PTPRG: variants seen among roughly 807,000 people sequenced by gnomAD.
The protein encoded by PTPRG is receptor-type tyrosine-protein phosphatase gamma.
A neutral mutation model predicts 165.3 loss-of-function variants in PTPRG; 102 were observed. The observed-to-expected ratio is 0.62, with a 90% CI of 0.53 to 0.73. The LOEUF is 0.73. Ranked by LOEUF, PTPRG falls within the 30% of genes least tolerant of loss-of-function variation. PTPRG has a pLI of 0.00. For synonymous variants in PTPRG, 675 were observed against 669.5 expected (o/e 1.01, Z -0.13); for missense variants, 1,866 against 1,861.4 (o/e 1.00, Z -0.05).
At position 61,601,695 on chromosome 3, in the gene PTPRG, A is replaced by T. The variant is rs75336801; in HGVS notation, c.85+39323A>T. Among the ~76,000 whole-genome samples, 1,379 of 152,308 alleles carry T rather than the reference A, an allele frequency of 9.1e-3. 18 individuals carry two copies. Among genetic ancestry groups the T allele is most frequent in the African/African-American group, 0.031 (1,304 of 41,558 alleles). ...TGGAAAAGTGACAAAACCAACAAAT[A>T]ATATCAGCCTTTATGGAGCTTGTAT... is the stretch of plus-strand genomic sequence containing the variant. On this transcript the variant is annotated intron_variant, in intron 1 of 29. Coordinates refer to ENST00000474889, the MANE Select transcript of PTPRG (RefSeq NM_002841.4).
intron 1 of PTPRG, among the ~76,000 whole-genome samples, chr3:61,738,297 T>TATATATATATAC (rs2032822717): frequency 1.3e-5 from 1 of 79,798 alleles, no homozygotes; most frequent in African/African-American, 4.9e-5. Context: ...TATATATATA[T>TATATATATATAC]ATATATATAT....
At chr3:61,829,498 C>T (rs1319086441) in intron 2 of PTPRG, among the ~76,000 whole-genome samples, 10 of 152,240 alleles carry the variant, frequency 6.6e-5, no homozygotes, top group African/African-American at 2.2e-4. Flanking sequence ...CATACTTGGG[C>T]TTAAAGGATC....
At chr3:61,661,531 A>G (rs1022689292) in intron 1 of PTPRG, among the ~76,000 whole-genome samples, 2 of 152,188 alleles carry the variant, frequency 1.3e-5, no homozygotes, top group African/African-American at 4.8e-5. Flanking sequence ...TCTTTAGTGA[A>G]TGACTGTACC....
intron 4 of PTPRG, among the ~76,000 whole-genome samples, chr3:62,064,825 C>T (rs1198095392): frequency 6.8e-6 from 1 of 146,074 alleles, no homozygotes; most frequent in Non-Finnish European, 1.5e-5. Flanking sequence ...ATCCAGCTCC[C>T]TGGTTCAAGT....
At chr3:61,796,635 C>A (rs1023568644) in intron 2 of PTPRG, among the ~76,000 whole-genome samples, 3 of 152,154 alleles carry the variant, frequency 2.0e-5, no homozygotes, top group African/African-American at 4.8e-5. Flanking sequence ...GCACCTTTGC[C>A]CTTGTGTGCA....
chr3:61,728,952 C>T (rs936282681), intron 1 of PTPRG, among the ~76,000 whole-genome samples: 1 of 151,086 alleles, frequency 6.6e-6, no homozygotes, highest in Admixed American at 6.6e-5. Context: ...GTCCTGGTTA[C>T]TTGAGAGTTT....
intron 1 of PTPRG, among the ~76,000 whole-genome samples, chr3:61,596,858 C>A (rs917274479): frequency 6.6e-6 from 1 of 152,060 alleles, no homozygotes; most frequent in East Asian, 1.9e-4. Flanking sequence ...ATAATTGTCT[C>A]AAGGTTTTTA....
intron 19 of PTPRG, 84 bp from the exon 20 acceptor site, chr3:62,268,951 T>C: frequency 7.3e-7 from 1 of 1,378,674 alleles, no homozygotes; most frequent in Non-Finnish European, 9.6e-7. Context: ...CACCTGTGTT[T>C]TAACATTGTC....
chr3:62,288,359 A>AT (rs1375827876), intron 28 of PTPRG, among the ~76,000 whole-genome samples: 1 of 152,104 alleles, frequency 6.6e-6, no homozygotes, highest in Non-Finnish European at 1.5e-5. Context: ...AACCTACCGT[A>AT]TATCTGTAGC....
At chr3:61,648,612 A>C (rs1702268275) in intron 1 of PTPRG, among the ~76,000 whole-genome samples, 1 of 152,226 alleles carries the variant, frequency 6.6e-6, no homozygotes, top group Admixed American at 6.5e-5. Context: ...TGATGCACCA[A>C]GGGAACGTCT....
chr3:61,775,319 C>T (rs545313201), intron 2 of PTPRG, among the ~76,000 whole-genome samples: 313 of 152,278 alleles, frequency 2.1e-3, no homozygotes, highest in African/African-American at 7.1e-3. Context: ...CATCTGCCCA[C>T]TTTGGCCTCC....
At chr3:62,000,281 C>CAAAA (rs5849454) in intron 3 of PTPRG, among the ~76,000 whole-genome samples, 3 of 102,592 alleles carry the variant, frequency 2.9e-5, no homozygotes, top group Non-Finnish European at 4.2e-5. Context: ...ACTCTGTCTC[C>CAAAA]AAAAAAAAAA....
intron 13 of PTPRG, among the ~76,000 whole-genome samples, chr3:62,227,837 C>T (rs1700795376): frequency 6.6e-6 from 1 of 152,148 alleles, no homozygotes. Context: ...TTTTATTTAG[C>T]TAACATGTTT....
intron 1 of PTPRG, among the ~76,000 whole-genome samples, chr3:61,621,043 A>ATGTGTGTG (rs1342796229): frequency 1.1e-5 from 1 of 87,802 alleles, no homozygotes; most frequent in Non-Finnish European, 2.5e-5. Context: ...GTATATATAT[A>ATGTGTGTG]TATATATATG....
intron 1 of PTPRG, among the ~76,000 whole-genome samples, chr3:61,680,619 A>C (rs936063277): frequency 1.4e-4 from 21 of 147,406 alleles, no homozygotes; most frequent in Admixed American, 1.2e-3. Context: ...AAAATCATAC[A>C]AAAAAAATAG....
At chr3:61,868,863 A>T (rs1351997200) in intron 2 of PTPRG, among the ~76,000 whole-genome samples, 1 of 149,398 alleles carries the variant, frequency 6.7e-6, no homozygotes, top group Non-Finnish European at 1.5e-5. Context: ...CAATGTGCGC[A>T]TTTATAACAA....
chr3:61,752,802 G>GAAAAAAAAAAAAAAAAAAGAAAAGAAAA (rs532651498), intron 2 of PTPRG, among the ~76,000 whole-genome samples: 1 of 103,712 alleles, frequency 9.6e-6, no homozygotes, highest in African/African-American at 3.8e-5. Context: ...AAAAAAAAAA[G>GAAAAAAAAAAAAAAAAAAGAAAAGAAAA]AAAAAAAAAA....
At chr3:61,860,657 T>C (rs540623560) in intron 2 of PTPRG, among the ~76,000 whole-genome samples, 6 of 152,222 alleles carry the variant, frequency 3.9e-5, no homozygotes, top group African/African-American at 1.4e-4. Context: ...TTGGCCAGAC[T>C]GGTCTCGAAC....
At chr3:62,020,064 AT>A (rs1211968246) in intron 4 of PTPRG, among the ~76,000 whole-genome samples, 2 of 152,080 alleles carry the variant, frequency 1.3e-5, no homozygotes, top group Admixed American at 6.5e-5. Context: ...TTGATCATAG[AT>A]TCTGTTGATC....
Sources: gnomAD v4.1 joint callset for allele counts (sites outside exome capture counted in the v4.1 genomes callset) on GRCh38, gnomAD v4.1.1 for gene constraint, MANE v1.5 for transcripts, NCBI Gene and HGNC (gene_info 2026-07-23, HGNC 2026-07-21) for gene names.